NAV2: variants seen among roughly 807,000 people sequenced by gnomAD.
The protein encoded by NAV2 is helicase, APC down-regulated 1.
NAV2 carries 54 observed loss-of-function variants against 223.2 expected under a neutral mutation model. The ratio of observed to expected loss-of-function variants is 0.24; its 90% CI spans 0.19 to 0.30. The LOEUF (loss-of-function observed/expected upper bound fraction) is 0.30. Ranked by LOEUF, NAV2 falls within the 10% of genes least tolerant of loss-of-function variation. The probability of loss-of-function intolerance (pLI) is 1.00; values close to 1 mark genes in which losing one functional copy is unlikely to be tolerated. For missense variants in NAV2, 2,806 were observed against 3,147.5 expected (o/e 0.89, Z 2.60); for synonymous variants, 1,279 against 1,239.3 (o/e 1.03, Z -0.67).
intron 1 of NAV2, among the ~76,000 whole-genome samples, chr11:19,441,882 C>A (rs536208293): frequency 1.3e-5 from 2 of 152,324 alleles, no homozygotes; most frequent in Non-Finnish European, 2.9e-5. Flanking sequence ...GGTCTGGGAG[C>A]TCTCCTCTGG....
At chr11:19,855,943 T>A (rs1173948573) in intron 3 of NAV2, among the ~76,000 whole-genome samples, 1 of 152,262 alleles carries the variant, frequency 6.6e-6, no homozygotes, top group Non-Finnish European at 1.5e-5. Flanking sequence ...GATTATCAAG[T>A]GCTCTCTCTT....
chr11:19,614,416 A>C (rs2046733990), intron 1 of NAV2, among the ~76,000 whole-genome samples: 1 of 151,556 alleles, frequency 6.6e-6, no homozygotes, highest in African/African-American at 2.4e-5. Flanking sequence ...CTCTCTCTTT[A>C]ATTAATAAAT....
intron 1 of NAV2, among the ~76,000 whole-genome samples, chr11:19,671,940 G>A (rs558524644): frequency 3.7e-4 from 57 of 152,260 alleles, no homozygotes; most frequent in Middle Eastern, 3.4e-3. Context: ...ATTCATGTCC[G>A]CAGAAAATGC....
intron 1 of NAV2, among the ~76,000 whole-genome samples, chr11:19,605,633 A>T (rs529178675): frequency 1.3e-5 from 2 of 151,906 alleles, no homozygotes; most frequent in South Asian, 4.2e-4. Context: ...GTTAGCGGGG[A>T]GGAGGGTAGA....
intron 25 of NAV2, among the ~76,000 whole-genome samples, chr11:20,080,609 G>A (rs987331887): frequency 9.9e-5 from 15 of 152,072 alleles, no homozygotes; most frequent in Admixed American, 1.3e-4. Context: ...ATCTTTAGCC[G>A]TAATCTTTAT....
At chr11:19,981,621 G>T (rs2050296771) in intron 10 of NAV2, among the ~76,000 whole-genome samples, 1 of 152,216 alleles carries the variant, frequency 6.6e-6, no homozygotes, top group African/African-American at 2.4e-5. Context: ...TAACTGCCTT[G>T]CTTAATGGTG....
At chr11:20,011,695 A>T (rs2053574045) in intron 11 of NAV2, among the ~76,000 whole-genome samples, 1 of 152,248 alleles carries the variant, frequency 6.6e-6, no homozygotes, top group African/African-American at 2.4e-5. Context: ...CTAAAAAATG[A>T]GAGATGTTTT....
chr11:19,842,106 A>G (rs1225377202), intron 2 of NAV2, among the ~76,000 whole-genome samples: 1 of 152,154 alleles, frequency 6.6e-6, no homozygotes, highest in Non-Finnish European at 1.5e-5. Flanking sequence ...GTATTCTCAA[A>G]CACAGTCTCT....
intron 1 of NAV2, among the ~76,000 whole-genome samples, chr11:19,419,703 A>G (rs566117475): frequency 6.6e-6 from 1 of 152,356 alleles, no homozygotes; most frequent in South Asian, 2.1e-4. Flanking sequence ...CCAGTCCACC[A>G]TAATGAAACT....
intron 4 of NAV2, among the ~76,000 whole-genome samples, chr11:19,875,087 G>T (rs539546999): frequency 6.6e-6 from 1 of 152,286 alleles, no homozygotes; most frequent in East Asian, 1.9e-4. Context: ...AATCCAGGAG[G>T]CAGAGGTTGC....
intron 10 of NAV2, among the ~76,000 whole-genome samples, chr11:19,980,143 C>G (rs926933365): frequency 3.9e-5 from 6 of 152,182 alleles, no homozygotes; most frequent in African/African-American, 1.4e-4. Flanking sequence ...TGGGCCACCC[C>G]AGGGAAGCAA....
At chr11:19,560,763 T>G (rs1413840930) in intron 1 of NAV2, among the ~76,000 whole-genome samples, 1 of 152,218 alleles carries the variant, frequency 6.6e-6, no homozygotes, top group East Asian at 1.9e-4. Flanking sequence ...TCAGGTGACT[T>G]CAGGAACTAC....
chr11:19,591,603 G>A (rs184959020), intron 1 of NAV2, among the ~76,000 whole-genome samples: 2 of 152,328 alleles, frequency 1.3e-5, no homozygotes, highest in East Asian at 3.9e-4. Flanking sequence ...CCATGCGGAT[G>A]TTATTGTCTA....
At chr11:19,592,756 A>C (rs901820557) in intron 1 of NAV2, among the ~76,000 whole-genome samples, 1 of 152,200 alleles carries the variant, frequency 6.6e-6, no homozygotes, top group African/African-American at 2.4e-5. Context: ...ATGAAAATAA[A>C]ATAATAGTAA....
intron 37 of NAV2, among the ~76,000 whole-genome samples, chr11:20,117,910 A>T (rs2245833): frequency 0.18 from 27,243 of 152,200 alleles, 3,444 homozygotes; most frequent in East Asian, 0.38. Flanking sequence ...AGAAACAAGT[A>T]TAAAGAGGTT....
At chr11:19,587,601 G>T (rs2045942372) in intron 1 of NAV2, among the ~76,000 whole-genome samples, 1 of 152,174 alleles carries the variant, frequency 6.6e-6, no homozygotes, top group Non-Finnish European at 1.5e-5. Flanking sequence ...TTATGGTCTG[G>T]GTTGAAAGCA....
At chr11:19,512,198 G>T (rs922807477) in intron 1 of NAV2, among the ~76,000 whole-genome samples, 8 of 152,170 alleles carry the variant, frequency 5.3e-5, no homozygotes, top group Non-Finnish European at 1.2e-4. Context: ...AAAGAGGGGA[G>T]GGTCTGATCA....
intron 1 of NAV2, among the ~76,000 whole-genome samples, chr11:19,490,299 C>T (rs1275863738): frequency 3.3e-5 from 5 of 152,172 alleles, no homozygotes; most frequent in East Asian, 1.9e-4. Flanking sequence ...TGGACTCTTC[C>T]TTTCACAAAA....
At chr11:19,774,116 A>G (rs1164323489) in intron 1 of NAV2, among the ~76,000 whole-genome samples, 2 of 152,216 alleles carry the variant, frequency 1.3e-5, no homozygotes, top group Admixed American at 1.3e-4. Flanking sequence ...CAAACCTGCC[A>G]GAAGCAGGTC....
Sources: allele counts gnomAD v4.1 joint callset (sites outside exome capture counted in the v4.1 genomes callset), GRCh38; gene constraint gnomAD v4.1.1; transcripts MANE v1.5; gene names NCBI Gene and HGNC (gene_info 2026-07-23, HGNC 2026-07-21).